The following LRP2BP variants were observed in gnomAD, a reference collection of about 807,000 sequenced individuals.
LRP2BP encodes the protein LRP2-binding protein.
Under a neutral mutation model 45.2 loss-of-function variants are expected in LRP2BP, and 38 were observed. The ratio of observed to expected loss-of-function variants is 0.84; its 90% confidence interval spans 0.65 to 1.10. The LOEUF (loss-of-function observed/expected upper bound fraction) is 1.10. Ranked by LOEUF, LRP2BP falls within the 50% of genes least tolerant of loss-of-function variation. LRP2BP has a pLI of 0.00. For synonymous variants in LRP2BP, 153 were observed against 153.9 expected (o/e 0.99, Z 0.04); for missense variants, 385 against 418.9 (o/e 0.92, Z 0.71).
chr4:185,371,888 G>A (rs1196954781), intron 7 of LRP2BP, among the ~76,000 whole-genome samples: 1 of 152,062 alleles, frequency 6.6e-6, no homozygotes, highest in Non-Finnish European at 1.5e-5. Context: ...TCGGAGAGGG[G>A]GGAGACCTGG....
intron 1 of LRP2BP, among the ~76,000 whole-genome samples, chr4:185,379,844 G>A (rs553176812): frequency 6.7e-6 from 1 of 148,206 alleles, no homozygotes; most frequent in Non-Finnish European, 1.5e-5. Flanking sequence ...CTGAGACAGC[G>A]TCTCACTCTG....
chr4:185,380,355 C>T (rs777945560), intron 1 of LRP2BP, among the ~76,000 whole-genome samples: 1 of 152,158 alleles, frequency 6.6e-6, no homozygotes. Flanking sequence ...CTCACAGTTC[C>T]GGAGCCTAGA....
rs2095383819 is a variant in LRP2BP at position 185,365,499 on chromosome 4, G to GCA, written c.*1680_*1681insTG. On this transcript the variant is annotated 3_prime_UTR_variant, in exon 9 of 9. Coordinates refer to ENST00000505916, the MANE Select transcript of LRP2BP (RefSeq NM_001377440.1). ...GCCTCCCGAGTAGCTGGGACTACAG[G>GCA]CGTCCGCCATCACGCCCGGCTAATT... 1 of 151,904 alleles carries GCA rather than the reference G, an allele frequency of 6.6e-6. No individual in the cohort carries two copies. The highest frequency in any genetic ancestry group is 2.4e-5 in the African/African-American group (1 of 41,290). The allele number at this position is 151,904 out of a possible 1,614,324, so 9.4% of individuals were successfully genotyped here.
At chr4:185,380,981 T>C (rs1174065279) in intron 1 of LRP2BP, among the ~76,000 whole-genome samples, 1 of 152,168 alleles carries the variant, frequency 6.6e-6, no homozygotes, top group Non-Finnish European at 1.5e-5. Context: ...CAGAAATGTA[T>C]ATGTAAGTTT....
intron 1 of LRP2BP, among the ~76,000 whole-genome samples, chr4:185,380,601 C>T (rs556957699): frequency 1.3e-5 from 2 of 152,348 alleles, no homozygotes; most frequent in East Asian, 3.9e-4. Context: ...AGTTGGCACC[C>T]ACCCTAATCC....
rs371617957 is a variant in LRP2BP at position 185,385,911 on chromosome 4, G to C, written c.-21-7704C>G. On this transcript the variant is annotated intron_variant, in intron 1 of 8. Transcript: ENST00000505916. ...GCAAGACTCTGTCTCGGGGAGGGGG[G>C]GGGGGAGATAAAGAAATAACATCAT... Among the ~76,000 whole-genome samples, 60 of 144,034 alleles carry C rather than the reference G, an allele frequency of 4.2e-4. 3 individuals carry two copies. Among genetic ancestry groups the C allele is most frequent in the African/African-American group, 1.5e-3 (57 of 38,096 alleles). The allele number at this position is 144,034 out of a possible 152,430, so 94.5% of individuals were successfully genotyped here. A position where few individuals can be genotyped will look rare whatever the true frequency, so the allele number is the denominator to read the frequency against.
chr4:185,378,544 G>T, intron 1 of LRP2BP: 1 of 1,035,190 alleles, frequency 9.7e-7, no homozygotes, highest in Non-Finnish European at 1.2e-6. Context: ...TGGTGACACT[G>T]CCCACAGTCA....
intron 1 of LRP2BP, among the ~76,000 whole-genome samples, chr4:185,394,001 G>A (rs1017462750): frequency 6.6e-6 from 1 of 152,156 alleles, no homozygotes; most frequent in Non-Finnish European, 1.5e-5. Flanking sequence ...GCTCATGCCT[G>A]TAATCCCAAC....
intron 1 of LRP2BP, among the ~76,000 whole-genome samples, chr4:185,389,697 T>C (rs1160679203): frequency 6.6e-6 from 1 of 152,210 alleles, no homozygotes; most frequent in African/African-American, 2.4e-5. Flanking sequence ...TCCAATTTTA[T>C]GCAGGTGCAG....
At chr4:185,376,613 A>G (rs374752420) in intron 3 of LRP2BP, among the ~76,000 whole-genome samples, 92 of 152,276 alleles carry the variant, frequency 6.0e-4, no homozygotes, top group Non-Finnish European at 1.1e-3. Context: ...AATTTGTATT[A>G]TTAAATATTT....
Position 185,374,407 on chromosome 4 carries a change from T to C in LRP2BP, c.385A>G (p.Arg129Gly). ...TAAGCAGCTGCAAATTTTAAGTGTC[T>C]TGCTTTGGGACATGGAGAATCAAGA... ...KILDSPCPKA[R>G]HLKFAAAYNL... The change falls in exon 5 of 9, where the codon AGA becomes GGA. Residue 129 changes from arginine to glycine, a missense_variant. By Grantham distance (125) the Arg-to-Gly change is moderately radical. Transcript: ENST00000505916. 1 of 1,614,184 alleles carries C rather than the reference T, an allele frequency of 6.2e-7. No individual in the cohort carries two copies. The highest frequency in any genetic ancestry group is 8.5e-7 in the Non-Finnish European group (1 of 1,180,036).
chr4:185,365,046 G>C lies in LRP2BP; in HGVS notation c.*2134C>G, dbSNP rs1184499736. 6.6e-6 allele frequency: 1 copy of C among 151,772 alleles called. No homozygotes were observed. The highest frequency in any genetic ancestry group is 1.5e-5 in the Non-Finnish European group (1 of 68,004). The allele number at this position is 151,772 out of a possible 1,614,324, so 9.4% of individuals were successfully genotyped here. On this transcript the variant is annotated 3_prime_UTR_variant, in exon 9 of 9. Coordinates refer to ENST00000505916, the MANE Select transcript of LRP2BP (RefSeq NM_001377440.1). ...TGTGTGTGTGTGTGTGTGTGTAAGA[G>C]TAATGATCTGGAAGTCTCAATGCAC...
intron 1 of LRP2BP, among the ~76,000 whole-genome samples, chr4:185,385,542 T>C (rs763653272): frequency 8.5e-5 from 13 of 152,194 alleles, no homozygotes; most frequent in South Asian, 4.1e-4. Context: ...AAATATTCAT[T>C]TGCAGCCCCA....
chr4:185,384,827 A>G (rs972514291), intron 1 of LRP2BP, among the ~76,000 whole-genome samples: 22 of 152,144 alleles, frequency 1.4e-4, no homozygotes, highest in African/African-American at 5.1e-4. Flanking sequence ...ACTTACTGAG[A>G]TCTCAAAAGA....
At position 185,365,003 on chromosome 4, in the gene LRP2BP, AGTGTGTGTGTGTGTATGTGTGT is replaced by A. The variant is rs1376099448; in HGVS notation, c.*2155_*2176del. The A allele has an allele frequency of 1.4e-5, 2 of 140,126 alleles. No individual in the cohort carries two copies. The highest frequency in any genetic ancestry group is 1.5e-5 in the Non-Finnish European group (1 of 66,150). 8.7% of individuals were successfully genotyped at this position (140,126 alleles called of 1,614,324 possible). ...CAGCTACAAGGAATCTTAGAGAAGG[AGTGTGTGTGTGTGTATGTGTGT>A]GTGTGTGTGTGTGTGTAAGAGTAAT... On this transcript the variant is annotated 3_prime_UTR_variant, in exon 9 of 9. Coordinates refer to ENST00000505916, the MANE Select transcript of LRP2BP (RefSeq NM_001377440.1).
chr4:185,385,374 C>T (rs1306294885), intron 1 of LRP2BP, among the ~76,000 whole-genome samples: 2 of 152,020 alleles, frequency 1.3e-5, no homozygotes, highest in African/African-American at 4.8e-5. Flanking sequence ...GATAATTGCT[C>T]ATCACTATCC....
chr4:185,387,452 T>A (rs941936565), intron 1 of LRP2BP, among the ~76,000 whole-genome samples: 1 of 152,234 alleles, frequency 6.6e-6, no homozygotes, highest in African/African-American at 2.4e-5. Context: ...GTTGTGTTTC[T>A]GCAGTAAAAT....
At chr4:185,378,483 C>G in intron 1 of LRP2BP, 1 of 1,146,494 alleles carries the variant, frequency 8.7e-7, no homozygotes, top group Non-Finnish European at 1.1e-6. Flanking sequence ...TGGGTTTATA[C>G]ATCAAGATGG....
At chr4:185,390,529 A>G (rs2095485521) in intron 1 of LRP2BP, 1 of 151,958 alleles carries the variant, frequency 6.6e-6, no homozygotes, top group Non-Finnish European at 1.5e-5. Context: ...AAAAAAAAAA[A>G]AAAGAAAAAA....
Sources: allele counts gnomAD v4.1 joint callset (sites outside exome capture counted in the v4.1 genomes callset), GRCh38; gene constraint gnomAD v4.1.1; transcripts MANE v1.5; gene names NCBI Gene and HGNC (gene_info 2026-07-23, HGNC 2026-07-21).